ENTREP2: variants seen among roughly 807,000 people sequenced by gnomAD.
The protein encoded by ENTREP2 is endosomal transmembrane epsin interactor 2, also known as protein ENTREP2.
the ENTREP2 span, among the ~76,000 whole-genome samples, chr15:29,230,261 A>G: frequency 6.6e-6 from 1 of 152,188 alleles, no homozygotes; most frequent in African/African-American, 2.4e-5. Context: ...CTTCCAATCA[A>G]TCATTTATAA....
the ENTREP2 span, among the ~76,000 whole-genome samples, chr15:29,507,067 C>G: frequency 6.6e-6 from 1 of 150,796 alleles, no homozygotes; most frequent in South Asian, 2.1e-4. Context: ...GAAGATTTAC[C>G]AAGCAAATGG....
At chr15:29,128,370 C>A in the ENTREP2 span, among the ~76,000 whole-genome samples, 1 of 152,148 alleles carries the variant, frequency 6.6e-6, no homozygotes, top group African/African-American at 2.4e-5. Flanking sequence ...CCAGCCTGCA[C>A]CCTCCTGCCA....
the ENTREP2 span, among the ~76,000 whole-genome samples, chr15:29,410,910 C>T: frequency 9.9e-5 from 15 of 152,114 alleles, no homozygotes; most frequent in African/African-American, 3.4e-4. Flanking sequence ...CTCAGCCTCC[C>T]GAGTAGCTGG....
chr15:29,592,942 A>C, the ENTREP2 span, among the ~76,000 whole-genome samples: 42 of 152,250 alleles, frequency 2.8e-4, no homozygotes. Flanking sequence ...AAGCTCCCTG[A>C]GGCCCTTACC....
At chr15:29,570,771 G>GCGCCGC in the ENTREP2 span, 7 of 668,944 alleles carry the variant, frequency 1.0e-5, no homozygotes, top group African/African-American at 6.0e-5. Context: ...GGCCCGGCGC[G>GCGCCGC]CGCCGCCGCC....
the ENTREP2 span, among the ~76,000 whole-genome samples, chr15:29,478,032 T>TATATATATATATATATA: frequency 7.8e-6 from 1 of 128,806 alleles, no homozygotes; most frequent in African/African-American, 3.0e-5. Flanking sequence ...TTTTTTTTTT[T>TATATATATATATATATA]TTTTTTTTCT....
At chr15:29,201,740 T>C in the ENTREP2 span, among the ~76,000 whole-genome samples, 2 of 152,190 alleles carry the variant, frequency 1.3e-5, no homozygotes, top group Non-Finnish European at 2.9e-5. Context: ...TGTAATTTTA[T>C]TTTTCTATAC....
the ENTREP2 span, among the ~76,000 whole-genome samples, chr15:29,245,331 A>G: frequency 6.6e-6 from 1 of 152,190 alleles, no homozygotes; most frequent in Admixed American, 6.5e-5. Flanking sequence ...TAGATCGATA[A>G]AACACATAAA....
chr15:29,530,240 T>G, the ENTREP2 span, among the ~76,000 whole-genome samples: 1 of 152,110 alleles, frequency 6.6e-6, no homozygotes, highest in Non-Finnish European at 1.5e-5. Flanking sequence ...AACTTAGTGC[T>G]CCCTGAGCCT....
chr15:29,580,187 T>C, the ENTREP2 span, among the ~76,000 whole-genome samples: 1 of 152,204 alleles, frequency 6.6e-6, no homozygotes, highest in Non-Finnish European at 1.5e-5. Context: ...AATGGGTCAC[T>C]CCTGCTGAGA....
At chr15:29,273,028 T>G in the ENTREP2 span, among the ~76,000 whole-genome samples, 21 of 152,050 alleles carry the variant, frequency 1.4e-4, no homozygotes, top group Non-Finnish European at 1.8e-4. Flanking sequence ...TGATTTCTGT[T>G]TAGCTCTTAG....
At chr15:29,421,945 C>G in the ENTREP2 span, among the ~76,000 whole-genome samples, 1 of 152,142 alleles carries the variant, frequency 6.6e-6, no homozygotes, top group Admixed American at 6.5e-5. Context: ...CTAAAGACAG[C>G]ATGGTGGAGG....
the ENTREP2 span, among the ~76,000 whole-genome samples, chr15:29,175,492 T>G: frequency 6.6e-6 from 1 of 152,218 alleles, no homozygotes. Context: ...CCCTAAAGAT[T>G]ATGAGACGCC....
the ENTREP2 span, among the ~76,000 whole-genome samples, chr15:29,423,550 G>A: frequency 6.6e-6 from 1 of 151,758 alleles, no homozygotes; most frequent in Non-Finnish European, 1.5e-5. Flanking sequence ...CACTTCAGGA[G>A]GCCAAGGCGG....
chr15:29,351,814 A>AT, the ENTREP2 span, among the ~76,000 whole-genome samples: 713 of 146,604 alleles, frequency 4.9e-3, 4 homozygotes, highest in African/African-American at 0.016. Context: ...CAGCTTTTTT[A>AT]TTTTTTTTTT....
chr15:29,634,895 C>T, the ENTREP2 span, among the ~76,000 whole-genome samples: 8 of 152,318 alleles, frequency 5.3e-5, no homozygotes, highest in Admixed American at 2.6e-4. Flanking sequence ...GAAGCTTCTA[C>T]GCCCTCCCCA....
At chr15:29,309,930 G>T in the ENTREP2 span, among the ~76,000 whole-genome samples, 1 of 152,114 alleles carries the variant, frequency 6.6e-6, no homozygotes, top group Admixed American at 6.5e-5. Context: ...CTGGGCATAG[G>T]ACTGAGACTG....
At chr15:29,387,511 G>A in the ENTREP2 span, among the ~76,000 whole-genome samples, 1 of 152,158 alleles carries the variant, frequency 6.6e-6, no homozygotes, top group African/African-American at 2.4e-5. Context: ...TCATGGATAG[G>A]AAGAATCAAT....
chr15:29,595,994 C>A, the ENTREP2 span, among the ~76,000 whole-genome samples: 1 of 152,120 alleles, frequency 6.6e-6, no homozygotes, highest in East Asian at 1.9e-4. Context: ...CTAGGTTCAG[C>A]CTTTCTCAAA....
Sources: allele counts gnomAD v4.1 joint callset (sites outside exome capture counted in the v4.1 genomes callset), GRCh38; gene constraint gnomAD v4.1.1; transcripts MANE v1.5; gene names NCBI Gene and HGNC (gene_info 2026-07-23, HGNC 2026-07-21).